The following PRDM16 variants were observed in gnomAD, a reference collection of about 807,000 sequenced individuals.
The protein encoded by PRDM16 is histone-lysine N-methyltransferase PRDM16.
In PRDM16, 23 loss-of-function variants were observed where a neutral mutation model predicts 110.6. The observed-to-expected ratio is 0.21, with a 90% CI of 0.15 to 0.29. The LOEUF (loss-of-function observed/expected upper bound fraction) is 0.29, where lower values mean the gene tolerates loss of function less well. PRDM16 is among the 10% of genes least tolerant of loss of function. The probability of loss-of-function intolerance (pLI) is 1.00; values close to 1 mark genes in which losing one functional copy is unlikely to be tolerated. For synonymous variants in PRDM16, 799 were observed against 781.8 expected (o/e 1.02, Z -0.37); for missense variants, 1,615 against 1,794.3 (o/e 0.90, Z 1.81).
At position 3,434,808 on chromosome 1, in the gene PRDM16, C is replaced by T; in HGVS notation, c.*997C>T. 1 of 232,182 alleles carries T rather than the reference C, an allele frequency of 4.3e-6. No individual in the cohort carries two copies. The highest frequency in any genetic ancestry group is 1.8e-4 in the South Asian group (1 of 5,522). 14.4% of individuals were successfully genotyped at this position (232,182 alleles called of 1,614,324 possible). ...CCCTCCTCTGTCCCTGCCTCGGCCA[C>T]CCCACGCGGGAACCCAGCGCCGTCC... On this transcript the variant is annotated 3_prime_UTR_variant, in exon 17 of 17. Transcript: ENST00000270722.
intron 1 of PRDM16, among the ~76,000 whole-genome samples, chr1:3,076,600 C>G (rs1387169989): frequency 6.6e-6 from 1 of 152,196 alleles, no homozygotes. Flanking sequence ...TGTCTGTCTC[C>G]TTCCTCGCCC....
chr1:3,293,166 C>T (rs1261011887), intron 3 of PRDM16, among the ~76,000 whole-genome samples: 1 of 152,252 alleles, frequency 6.6e-6, no homozygotes, highest in Non-Finnish European at 1.5e-5. Context: ...GAGTGAAAAA[C>T]TGCACATTTG....
Position 3,430,992 on chromosome 1 carries a change from C to T in PRDM16, c.3405C>T (p.Ala1135=), listed in dbSNP as rs765114438. ...AGGAGGACGATGAGGACAGCCTGGC[C>T]GGGAAGTCGCAGGATGACACCGTGT... is the stretch of plus-strand genomic sequence containing the variant. ...DLEEDDEDSL[A]GKSQDDTVSP... The change falls in exon 15 of 17, where the codon GCC becomes GCT. Residue 1135 remains alanine (A), a synonymous_variant. Transcript: ENST00000270722. 2.8e-5 allele frequency: 45 copies of T among 1,601,228 alleles called. No homozygotes were observed. The Admixed American group carries it at 3.3e-4, about 12-fold the overall frequency.
intron 1 of PRDM16, among the ~76,000 whole-genome samples, chr1:3,164,448 C>T (rs533418577): frequency 1.3e-5 from 2 of 152,318 alleles, no homozygotes; most frequent in East Asian, 3.9e-4. Context: ...GCCAGGAGGG[C>T]ACCGAGGGCC....
At chr1:3,327,819 G>A (rs1035670630) in intron 3 of PRDM16, among the ~76,000 whole-genome samples, 64 of 152,264 alleles carry the variant, frequency 4.2e-4, no homozygotes, top group African/African-American at 1.5e-3. Flanking sequence ...GAGGCCCCTC[G>A]CCTGCCCCCC....
intron 1 of PRDM16, among the ~76,000 whole-genome samples, chr1:3,154,835 G>A (rs191366323): frequency 1.5e-3 from 230 of 152,300 alleles, no homozygotes; most frequent in Middle Eastern, 3.4e-3. Flanking sequence ...AAATCCCTTT[G>A]CTTCATAAGG....
chr1:3,141,624 G>A (rs1643551375), intron 1 of PRDM16, among the ~76,000 whole-genome samples: 2 of 152,382 alleles, frequency 1.3e-5, no homozygotes, highest in Non-Finnish European at 2.9e-5. Flanking sequence ...AAAGCCCAGG[G>A]CGGGCCACAA....
At chr1:3,199,939 T>A (rs1638576995) in intron 2 of PRDM16, among the ~76,000 whole-genome samples, 1 of 152,242 alleles carries the variant, frequency 6.6e-6, no homozygotes, top group Non-Finnish European at 1.5e-5. Flanking sequence ...GATGTCCTTG[T>A]GTTCCGTCTC....
intron 1 of PRDM16, among the ~76,000 whole-genome samples, chr1:3,089,463 G>A (rs770836597): frequency 1.1e-4 from 16 of 152,248 alleles, no homozygotes; most frequent in East Asian, 1.9e-4. Context: ...AGCAGGAGGC[G>A]GAAGCGGGTG....
At chr1:3,095,148 C>G (rs573105020) in intron 1 of PRDM16, among the ~76,000 whole-genome samples, 1 of 152,308 alleles carries the variant, frequency 6.6e-6, no homozygotes, top group Admixed American at 6.5e-5. Context: ...TGAGAAGGCC[C>G]CTCTCCAGCT....
chr1:3,425,853 G>A lies in PRDM16; in HGVS notation c.3109+103G>A, dbSNP rs1638588739. On this transcript the variant is annotated intron_variant, in intron 13 of 16. Transcript: ENST00000270722. The surrounding 1 kb of genome is among the most constrained non-coding windows in gnomAD (Gnocchi z 6.9). The stretch of plus-strand genomic sequence containing the variant: ...GGAGTGGGCGCCGGGCAGGGAAGAG[G>A]GCCACAGACTACCCCTCAGGAAGCC... 1 of 1,432,590 alleles carries A rather than the reference G, an allele frequency of 7.0e-7. No homozygotes were observed. Among genetic ancestry groups the A allele is most frequent in the Admixed American group, 1.9e-5 (1 of 52,466 alleles). The allele number at this position is 1,432,590 out of a possible 1,614,324, so 88.7% of individuals were successfully genotyped here.
At chr1:3,114,532 ATG>A (rs1557457258) in intron 1 of PRDM16, among the ~76,000 whole-genome samples, 137 of 152,022 alleles carry the variant, frequency 9.0e-4, no homozygotes, top group African/African-American at 3.0e-3. Flanking sequence ...ACACGCACAC[ATG>A]CACACATGAA....
At chr1:3,198,898 A>T (rs1265512360) in intron 2 of PRDM16, among the ~76,000 whole-genome samples, 1 of 152,164 alleles carries the variant, frequency 6.6e-6, no homozygotes, top group Non-Finnish European at 1.5e-5. Context: ...GATCTCTCTA[A>T]AGTCCATTCC....
In PRDM16 at chr1:3,335,868, C is replaced by T. The variant is rs569767836; in HGVS notation, c.439-49284C>T. On this transcript the variant is annotated intron_variant, in intron 3 of 16. Transcript: ENST00000270722. ...GCCCGGGGGCCAAGTGCCCCATGCT[C>T]CTGCACTGAAGTGTGGGAGAGCTCA... 5.3e-5 allele frequency among the ~76,000 whole-genome samples: 8 copies of T among 152,324 alleles called. No homozygotes were observed. In the South Asian group the frequency reaches 1.7e-3, roughly 32 times the overall value.
intron 1 of PRDM16, among the ~76,000 whole-genome samples, chr1:3,161,275 C>T (rs1333435046): frequency 6.6e-6 from 1 of 152,188 alleles, no homozygotes; most frequent in Non-Finnish European, 1.5e-5. Context: ...ACAACACGCT[C>T]GAAAGTGCTC....
chr1:3,345,691 C>CCTCGGGTCCTCCCATGCTGCCCT, intron 3 of PRDM16, among the ~76,000 whole-genome samples: 1 of 152,060 alleles, frequency 6.6e-6, no homozygotes, highest in Non-Finnish European at 1.5e-5. Context: ...CCAGGCCACC[C>CCTCGGGTCCTCCCATGCTGCCCT]CTCGGGTCCT....
At chr1:3,415,451 C>T (rs1051552140) in intron 10 of PRDM16, among the ~76,000 whole-genome samples, 3 of 152,398 alleles carry the variant, frequency 2.0e-5, no homozygotes, top group Middle Eastern at 6.8e-3. Context: ...ACGGGCCCCC[C>T]ACCTGGTTTG....
At chr1:3,428,215 CCGGCCG>C (rs1244544821) in intron 14 of PRDM16, among the ~76,000 whole-genome samples, 6 of 147,396 alleles carry the variant, frequency 4.1e-5, no homozygotes, top group African/African-American at 7.7e-5. Context: ...AGGGTGCAGC[CCGGCCG>C]CACTGCAGGA....
chr1:3,146,507 G>C (rs1400616704), intron 1 of PRDM16, among the ~76,000 whole-genome samples: 1 of 146,644 alleles, frequency 6.8e-6, no homozygotes, highest in African/African-American at 2.5e-5. Flanking sequence ...ATGTGTGCAA[G>C]TGTGTGTGCT....
Sources: allele counts gnomAD v4.1 joint callset (sites outside exome capture counted in the v4.1 genomes callset), GRCh38; gene constraint gnomAD v4.1.1; non-coding constraint Gnocchi (gnomAD v3.1); transcripts MANE v1.5; gene names NCBI Gene and HGNC (gene_info 2026-07-23, HGNC 2026-07-21).